The following ENTREP2 variants were observed in gnomAD, a reference collection of about 807,000 sequenced individuals.
ENTREP2 encodes endosomal transmembrane epsin interactor 2.
chr15:29,440,196 CA>C, the ENTREP2 span, among the ~76,000 whole-genome samples: 1 of 151,958 alleles, frequency 6.6e-6, no homozygotes, highest in Non-Finnish European at 1.5e-5. Flanking sequence ...GGTGAAATCC[CA>C]AAAAAGTCTG....
At chr15:29,568,369 A>C in the ENTREP2 span, among the ~76,000 whole-genome samples, 5 of 152,234 alleles carry the variant, frequency 3.3e-5, no homozygotes, top group South Asian at 1.0e-3. Context: ...AACTGTGTGG[A>C]ATTGCTCAGA....
At chr15:29,290,328 A>G in the ENTREP2 span, among the ~76,000 whole-genome samples, 1 of 152,158 alleles carries the variant, frequency 6.6e-6, no homozygotes, top group South Asian at 2.1e-4. Flanking sequence ...CTCTGCCTGG[A>G]AAGTTCTTCC....
the ENTREP2 span, among the ~76,000 whole-genome samples, chr15:29,507,152 GACAA>G: frequency 6.6e-6 from 1 of 152,040 alleles, no homozygotes; most frequent in African/African-American, 2.4e-5. Flanking sequence ...AATCAAAAAA[GACAA>G]ACAAGAGGAT....
chr15:29,119,275 A>C, the ENTREP2 span, among the ~76,000 whole-genome samples: 1 of 53,614 alleles, frequency 1.9e-5, no homozygotes, highest in Non-Finnish European at 7.3e-5. Flanking sequence ...TATGCTTAAG[A>C]ATGATGAGTT....
chr15:29,529,748 C>G, the ENTREP2 span, among the ~76,000 whole-genome samples: 65 of 152,264 alleles, frequency 4.3e-4, 1 homozygote, highest in African/African-American at 1.3e-3. Flanking sequence ...GGCTGATTGA[C>G]TTGACCAAGC....
chr15:29,265,782 T>A, the ENTREP2 span: 1 of 152,164 alleles, frequency 6.6e-6, no homozygotes, highest in African/African-American at 2.4e-5. Context: ...GTATAAATGA[T>A]GAAAAACTGG....
At chr15:29,489,849 T>C in the ENTREP2 span, among the ~76,000 whole-genome samples, 1 of 152,210 alleles carries the variant, frequency 6.6e-6, no homozygotes, top group Non-Finnish European at 1.5e-5. Context: ...TTCTTCCAAC[T>C]AGGCTGTGCT....
At chr15:29,365,246 A>ATT in the ENTREP2 span, among the ~76,000 whole-genome samples, 7 of 131,398 alleles carry the variant, frequency 5.3e-5, no homozygotes, top group Non-Finnish European at 1.1e-4. Context: ...TAAATAGCTC[A>ATT]TTTCTTTTTT....
the ENTREP2 span, among the ~76,000 whole-genome samples, chr15:29,177,960 A>G: frequency 6.6e-6 from 1 of 152,082 alleles, no homozygotes; most frequent in Non-Finnish European, 1.5e-5. Context: ...GGTGGTGACA[A>G]AATTAAAGTG....
the ENTREP2 span, among the ~76,000 whole-genome samples, chr15:29,255,019 A>G: frequency 6.6e-6 from 1 of 152,220 alleles, no homozygotes; most frequent in Non-Finnish European, 1.5e-5. Flanking sequence ...ATCATTAGAC[A>G]GAGTCCACTC....
chr15:29,319,090 C>A, the ENTREP2 span, among the ~76,000 whole-genome samples: 17 of 152,324 alleles, frequency 1.1e-4, no homozygotes, highest in Non-Finnish European at 2.4e-4. Flanking sequence ...ACTGCATACT[C>A]AAACCAAGGC....
chr15:29,559,232 T>C, the ENTREP2 span, among the ~76,000 whole-genome samples: 1 of 152,256 alleles, frequency 6.6e-6, no homozygotes, highest in African/African-American at 2.4e-5. Flanking sequence ...TACAGATGAC[T>C]GTACCCACCC....
At chr15:29,535,460 G>A in the ENTREP2 span, among the ~76,000 whole-genome samples, 1 of 152,086 alleles carries the variant, frequency 6.6e-6, no homozygotes, top group Non-Finnish European at 1.5e-5. Context: ...AAGGCAGGGG[G>A]ACTGCTTGAG....
the ENTREP2 span, chr15:29,195,419 C>A: frequency 1.4e-5 from 9 of 623,584 alleles, no homozygotes; most frequent in Non-Finnish European, 1.8e-5. Context: ...CCATCCCCTG[C>A]ATACTGCATT....
the ENTREP2 span, among the ~76,000 whole-genome samples, chr15:29,531,050 G>C: frequency 9.9e-5 from 15 of 152,230 alleles, no homozygotes; most frequent in African/African-American, 3.4e-4. Context: ...CTTCCCCTCA[G>C]TGGCTCTGGC....
the ENTREP2 span, among the ~76,000 whole-genome samples, chr15:29,672,338 C>T: frequency 6.6e-6 from 1 of 152,130 alleles, no homozygotes; most frequent in Non-Finnish European, 1.5e-5. Flanking sequence ...ATGGCATGTA[C>T]AATTTTTATT....
chr15:29,179,855 G>C, the ENTREP2 span, among the ~76,000 whole-genome samples: 1 of 152,068 alleles, frequency 6.6e-6, no homozygotes, highest in African/African-American at 2.4e-5. Context: ...AAAGCGCTGC[G>C]ATTACAGGCG....
chr15:29,419,023 G>A, the ENTREP2 span, among the ~76,000 whole-genome samples: 1 of 152,348 alleles, frequency 6.6e-6, no homozygotes, highest in South Asian at 2.1e-4. Flanking sequence ...ACAAGAGAGA[G>A]GGGCTGTGAC....
the ENTREP2 span, among the ~76,000 whole-genome samples, chr15:29,552,551 T>C: frequency 6.6e-6 from 1 of 151,618 alleles, no homozygotes; most frequent in Non-Finnish European, 1.5e-5. Flanking sequence ...CTGGGCAACA[T>C]AACAAGACCC....
Sources: gnomAD v4.1 joint callset for allele counts (sites outside exome capture counted in the v4.1 genomes callset) on GRCh38, gnomAD v4.1.1 for gene constraint, MANE v1.5 for transcripts, NCBI Gene and HGNC (gene_info 2026-07-23, HGNC 2026-07-21) for gene names.